Variants in DYNLT2 observed in about 807,000 individuals in gnomAD.
DYNLT2 encodes dynein light chain Tctex-type 2, also known as dynein light chain Tctex-type protein 2.
A neutral mutation model predicts 24.3 loss-of-function variants in DYNLT2; 24 were observed. The observed-to-expected ratio is 0.99, with a 90% confidence interval of 0.71 to 1.39. The LOEUF is 1.39. DYNLT2 is among the 40% of genes most tolerant of loss of function. The pLI, the probability that DYNLT2 is intolerant of heterozygous loss-of-function variation, is 0.00. For synonymous variants in DYNLT2, 85 were observed against 85.4 expected (o/e 1.00, Z 0.03); for missense variants, 246 against 234.5 (o/e 1.05, Z -0.32).
chr6:169,749,294 T>C (rs1235878693), intron 1 of DYNLT2, among the ~76,000 whole-genome samples: 3 of 152,124 alleles, frequency 2.0e-5, no homozygotes, highest in African/African-American at 4.8e-5. Context: ...AGAGACGGGG[T>C]TTTGGCATGT....
chr6:169,730,563 G>C, the DYNLT2 span, among the ~76,000 whole-genome samples: 1 of 152,230 alleles, frequency 6.6e-6, no homozygotes, highest in African/African-American at 2.4e-5. Context: ...GCATGTGGAA[G>C]AGAGGTTGGG....
the DYNLT2 span, among the ~76,000 whole-genome samples, chr6:169,733,996 C>T: frequency 6.6e-6 from 1 of 152,142 alleles, no homozygotes; most frequent in African/African-American, 2.4e-5. Context: ...AGAGGTGCTT[C>T]ACATCCCTTG....
At chr6:169,729,365 A>C in the DYNLT2 span, among the ~76,000 whole-genome samples, 2 of 152,070 alleles carry the variant, frequency 1.3e-5, no homozygotes, top group Admixed American at 1.3e-4. Flanking sequence ...AATCACATCT[A>C]ATTTCATTTC....
chr6:169,733,804 T>A, the DYNLT2 span, among the ~76,000 whole-genome samples: 1 of 152,234 alleles, frequency 6.6e-6, no homozygotes, highest in Non-Finnish European at 1.5e-5. Context: ...TTAAAATAGT[T>A]TTTTCTAATT....
chr6:169,734,138 C>T, the DYNLT2 span, among the ~76,000 whole-genome samples: 1 of 152,134 alleles, frequency 6.6e-6, no homozygotes, highest in Admixed American at 6.5e-5. Context: ...GATTTTGTAT[C>T]CTGAGACTTT....
chr6:169,725,453 G>A, the DYNLT2 span: 6 of 397,306 alleles, frequency 1.5e-5, no homozygotes, highest in Non-Finnish European at 2.2e-5. Context: ...TGACGACGCC[G>A]GGCCCTCAAG....
the DYNLT2 span, among the ~76,000 whole-genome samples, chr6:169,729,361 A>G: frequency 1.3e-5 from 2 of 152,110 alleles, no homozygotes; most frequent in African/African-American, 4.8e-5. Context: ...CCCTAATCAC[A>G]TCTAATTTCA....
the DYNLT2 span, among the ~76,000 whole-genome samples, chr6:169,730,079 T>A: frequency 6.6e-6 from 1 of 152,254 alleles, no homozygotes; most frequent in Non-Finnish European, 1.5e-5. Flanking sequence ...ATAATTGAAA[T>A]GTGAACCACC....
chr6:169,740,910 G>A (rs1789664963), intron 3 of DYNLT2, among the ~76,000 whole-genome samples: 1 of 151,624 alleles, frequency 6.6e-6, no homozygotes, highest in Non-Finnish European at 1.5e-5. Context: ...CTGAGTTCAA[G>A]TGATTCTCCT....
intron 1 of DYNLT2, among the ~76,000 whole-genome samples, chr6:169,748,970 T>C (rs1343287585): frequency 1.3e-5 from 2 of 152,240 alleles, no homozygotes; most frequent in African/African-American, 4.8e-5. Flanking sequence ...CTTTTTGGCA[T>C]CTAATAATAC....
At chr6:169,725,465 C>G in the DYNLT2 span, 1 of 397,196 alleles carries the variant, frequency 2.5e-6, no homozygotes, top group Non-Finnish European at 4.4e-6. Context: ...GCCCTCAAGC[C>G]GATCCTAATC....
intron 3 of DYNLT2, among the ~76,000 whole-genome samples, chr6:169,741,522 C>T (rs1789678832): frequency 6.6e-6 from 1 of 152,174 alleles, no homozygotes; most frequent in Non-Finnish European, 1.5e-5. Context: ...TAAGCAAATA[C>T]ATGGCTGTTG....
At chr6:169,737,568 C>T (rs1789587405), downstream of DYNLT2, among the ~76,000 whole-genome samples, 1 of 152,086 alleles carries the variant, frequency 6.6e-6, no homozygotes, top group South Asian at 2.1e-4. Flanking sequence ...AAATAGGCCC[C>T]TTTTCTGTAG....
the DYNLT2 span, among the ~76,000 whole-genome samples, chr6:169,731,448 G>C: frequency 6.6e-6 from 1 of 152,132 alleles, no homozygotes; most frequent in Admixed American, 6.5e-5. Flanking sequence ...TGAGACGTAA[G>C]GCAAAGAAAA....
the DYNLT2 span, among the ~76,000 whole-genome samples, chr6:169,726,100 T>C: frequency 6.6e-6 from 1 of 152,266 alleles, no homozygotes; most frequent in Non-Finnish European, 1.5e-5. Flanking sequence ...GGCAAACCTG[T>C]CTGTTATTTA....
intron 3 of DYNLT2, among the ~76,000 whole-genome samples, chr6:169,740,678 T>A (rs999788066): frequency 5.9e-5 from 9 of 152,168 alleles, no homozygotes; most frequent in African/African-American, 2.2e-4. Flanking sequence ...GGGCCTTGCC[T>A]TGAAATGAAG....
the DYNLT2 span, among the ~76,000 whole-genome samples, chr6:169,733,636 T>C: frequency 6.6e-6 from 1 of 152,194 alleles, no homozygotes; most frequent in Non-Finnish European, 1.5e-5. Flanking sequence ...TTCTGCTCCA[T>C]TGGTCTATAT....
At chr6:169,749,486 A>G (rs962049000) in intron 1 of DYNLT2, 2 of 152,226 alleles carry the variant, frequency 1.3e-5, no homozygotes, top group Non-Finnish European at 2.9e-5. Context: ...GTTACCTTTG[A>G]TCGCAACAAC....
the DYNLT2 span, chr6:169,725,661 CA>C: frequency 1.2e-4 from 23 of 195,962 alleles, no homozygotes; most frequent in East Asian, 2.2e-4. Context: ...AAAACAAAAA[CA>C]AAAAAAAACT....
Sources: gnomAD v4.1 joint callset for allele counts (sites outside exome capture counted in the v4.1 genomes callset) on GRCh38, gnomAD v4.1.1 for gene constraint, MANE v1.5 for transcripts, NCBI Gene and HGNC (gene_info 2026-07-23, HGNC 2026-07-21) for gene names.